NHSL2: variants seen among roughly 807,000 people sequenced by gnomAD.
NHSL2 encodes NHS like 2, also known as NHS-like protein 2.
NHSL2 carries 27 observed loss-of-function variants against 53.4 expected under a neutral mutation model. That is an observed-to-expected ratio of 0.51 (90% CI 0.37 to 0.70). The LOEUF (loss-of-function observed/expected upper bound fraction) is 0.70, where lower values mean the gene tolerates loss of function less well. Among genes scored for constraint, NHSL2 ranks in the 30% least tolerant of loss-of-function variants. The pLI, the probability that NHSL2 is intolerant of heterozygous loss-of-function variation, is 0.00. For missense variants in NHSL2, 892 were observed against 980.1 expected (o/e 0.91, Z 1.20); for synonymous variants, 408 against 404.1 (o/e 1.01, Z -0.12).
chrX:72,141,119 C>T (rs1233303390), intron 6 of NHSL2: 1 of 161,620 alleles, frequency 6.2e-6, no homozygotes, highest in African/African-American at 3.1e-5. Context: ...ACTACTCCAC[C>T]TCACTGTACA....
chrX:72,034,587 G>A (rs2042232205), intron 1 of NHSL2, among the ~76,000 whole-genome samples: 1 of 111,982 alleles, frequency 8.9e-6, no homozygotes, highest in South Asian at 3.6e-4. Context: ...TTTAAAAATT[G>A]TAAATTCAGT....
intron 1 of NHSL2, among the ~76,000 whole-genome samples, chrX:71,989,843 A>G (rs1048796784): frequency 8.9e-6 from 1 of 112,387 alleles, no homozygotes; most frequent in Non-Finnish European, 1.9e-5. Flanking sequence ...ATTCAGTTGC[A>G]TGCCTGGCAG....
intron 1 of NHSL2, among the ~76,000 whole-genome samples, chrX:71,973,472 A>G (rs1263960121): frequency 9.0e-6 from 1 of 111,720 alleles, no homozygotes; most frequent in Non-Finnish European, 1.9e-5. Context: ...TCTGTTCTAA[A>G]TAACGAGCCC....
rs188863895 is a variant in NHSL2 at position 72,126,771 on chromosome X, G to A, written c.281-5308G>A. Among the ~76,000 whole-genome samples the A allele has an allele frequency of 4.3e-3, 478 of 111,882 alleles. 4 individuals carry two copies. The highest frequency in any genetic ancestry group is 0.014 in the Middle Eastern group (3 of 218). On this transcript the variant is annotated intron_variant, in intron 1 of 7. Transcript: ENST00000633930. ...ATAGCGCCACCTAGTGCCAAAAAGC[G>A]GAAGGGCCCTCCCCAGCCAACCTGG...
intron 1 of NHSL2, among the ~76,000 whole-genome samples, chrX:71,987,147 C>T (rs1472043844): frequency 1.8e-5 from 2 of 111,635 alleles, no homozygotes; most frequent in East Asian, 5.6e-4. Flanking sequence ...AGAGGTGGAG[C>T]TTGCAGTGAG....
intron 1 of NHSL2, among the ~76,000 whole-genome samples, chrX:71,964,220 C>T (rs2041890574): frequency 9.8e-6 from 1 of 101,584 alleles, no homozygotes; most frequent in South Asian, 4.8e-4. Context: ...CCCTAGCCCC[C>T]CACCCCCAAC....
intron 1 of NHSL2, among the ~76,000 whole-genome samples, chrX:72,062,124 G>A (rs1329972171): frequency 2.7e-5 from 3 of 112,512 alleles, no homozygotes; most frequent in Non-Finnish European, 5.6e-5. Context: ...GGTAGGTAGA[G>A]CATTGAGAAC....
chrX:72,061,509 G>A (rs1385368780), intron 1 of NHSL2, among the ~76,000 whole-genome samples: 1 of 111,818 alleles, frequency 8.9e-6, no homozygotes, highest in Non-Finnish European at 1.9e-5. Flanking sequence ...CTCTGTTTCC[G>A]TCACCCTGAT....
At chrX:72,098,474 A>C (rs1477131797) in intron 1 of NHSL2, among the ~76,000 whole-genome samples, 1 of 109,213 alleles carries the variant, frequency 9.2e-6, no homozygotes, top group African/African-American at 3.3e-5. Context: ...CCAGCTACTC[A>C]GCTGGCTGAG....
At chrX:71,911,680 TG>T (rs1463185986) in intron 1 of NHSL2, among the ~76,000 whole-genome samples, 4 of 112,352 alleles carry the variant, frequency 3.6e-5, no homozygotes, top group Non-Finnish European at 7.5e-5. Context: ...CAGGACGGCT[TG>T]GGCGATACTC....
intron 1 of NHSL2, among the ~76,000 whole-genome samples, chrX:72,016,993 G>A (rs1214308935): frequency 8.9e-6 from 1 of 111,814 alleles, no homozygotes; most frequent in Non-Finnish European, 1.9e-5. Context: ...CAGGGTGACA[G>A]CAAGTTATCA....
chrX:71,946,563 G>A lies in NHSL2; in HGVS notation c.280+35196G>A, dbSNP rs987352369. Among the ~76,000 whole-genome samples the A allele has an allele frequency of 8.1e-5, 9 of 111,637 alleles. 1 individual carries two copies. Among genetic ancestry groups the A allele is most frequent in the Admixed American group, 5.7e-4 (6 of 10,571 alleles). ...CACAGGAGACTGACAGGGAGCGGTC[G>A]TCTGGCTCCACTTTCACAACCATCT... On this transcript the variant is annotated intron_variant, in intron 1 of 7. Coordinates refer to ENST00000633930, the MANE Select transcript of NHSL2 (RefSeq NM_001013627.3).
intron 1 of NHSL2, among the ~76,000 whole-genome samples, chrX:72,075,060 G>C (rs1443313379): frequency 8.9e-6 from 1 of 112,195 alleles, no homozygotes; most frequent in Non-Finnish European, 1.9e-5. Flanking sequence ...AACACACTCG[G>C]AAGACATAAA....
intron 1 of NHSL2, among the ~76,000 whole-genome samples, chrX:71,990,134 A>C (rs2042021182): frequency 8.9e-6 from 1 of 111,840 alleles, no homozygotes; most frequent in Non-Finnish European, 1.9e-5. Flanking sequence ...TCGGGGGCGG[A>C]GAATGTATTT....
intron 1 of NHSL2, among the ~76,000 whole-genome samples, chrX:71,975,224 A>G (rs911673198): frequency 9.8e-5 from 11 of 111,860 alleles, no homozygotes; most frequent in African/African-American, 3.6e-4. Flanking sequence ...CACAGTGGTG[A>G]CCTGGCCTTT....
chrX:72,102,488 G>C (rs947288267), intron 1 of NHSL2, among the ~76,000 whole-genome samples: 3 of 111,939 alleles, frequency 2.7e-5, no homozygotes, highest in Non-Finnish European at 5.6e-5. Flanking sequence ...ACTCTACTCT[G>C]TAAAATGGGG....
At chrX:72,124,124 G>T (rs1233745696) in intron 1 of NHSL2, among the ~76,000 whole-genome samples, 1 of 110,034 alleles carries the variant, frequency 9.1e-6, no homozygotes, top group East Asian at 2.9e-4. Flanking sequence ...CGGAGGTGGA[G>T]CCCACTCCCC....
At chrX:72,039,463 G>A (rs745466086) in intron 1 of NHSL2, among the ~76,000 whole-genome samples, 4 of 111,575 alleles carry the variant, frequency 3.6e-5, no homozygotes, top group Non-Finnish European at 7.5e-5. Flanking sequence ...AATGCCTCTT[G>A]AAGCATTTGA....
intron 1 of NHSL2, among the ~76,000 whole-genome samples, chrX:71,989,177 C>T (rs1227576386): frequency 9.1e-6 from 1 of 109,870 alleles, no homozygotes; most frequent in Non-Finnish European, 1.9e-5. Flanking sequence ...TTTGAAAGAC[C>T]TTGTCTTTAA....
Sources: gnomAD v4.1 joint callset for allele counts (sites outside exome capture counted in the v4.1 genomes callset) on GRCh38, gnomAD v4.1.1 for gene constraint, MANE v1.5 for transcripts, NCBI Gene and HGNC (gene_info 2026-07-23, HGNC 2026-07-21) for gene names.